Variants in TVP23A observed in about 807,000 individuals in gnomAD.
The protein encoded by TVP23A is Golgi apparatus membrane protein TVP23 homolog A.
A neutral mutation model predicts 31.7 loss-of-function variants in TVP23A; 21 were observed. The ratio of observed to expected loss-of-function variants is 0.66; its 90% CI spans 0.47 to 0.95. The LOEUF is 0.95. Among genes scored for constraint, TVP23A ranks in the 40% least tolerant of loss-of-function variants. The pLI, the probability that TVP23A is intolerant of heterozygous loss-of-function variation, is 0.00. For synonymous variants in TVP23A, 104 were observed against 96.0 expected (o/e 1.08, Z -0.49); for missense variants, 279 against 255.6 (o/e 1.09, Z -0.62).
At chr16:10,804,057 A>G (rs2033831430) in intron 2 of TVP23A, among the ~76,000 whole-genome samples, 1 of 152,242 alleles carries the variant, frequency 6.6e-6, no homozygotes, top group Non-Finnish European at 1.5e-5. Context: ...AGAGAGCAGC[A>G]TATACAAAGG....
intron 2 of TVP23A, among the ~76,000 whole-genome samples, chr16:10,785,010 T>G (rs1167885089): frequency 2.0e-5 from 3 of 148,400 alleles, no homozygotes; most frequent in Non-Finnish European, 3.0e-5. Flanking sequence ...GGCAGGAGAA[T>G]CCCTTGAATC....
intron 2 of TVP23A, among the ~76,000 whole-genome samples, chr16:10,788,988 G>C (rs2032936985): frequency 6.6e-6 from 1 of 152,076 alleles, no homozygotes; most frequent in Non-Finnish European, 1.5e-5. Flanking sequence ...ACAACTTATT[G>C]TCCCATATTT....
rs139976982 is a variant in TVP23A at position 10,774,005 on chromosome 16, C to T, written c.324+34G>A. On this transcript the variant is annotated intron_variant, in intron 4 of 7. Transcript: ENST00000299866. ...AGAAACTTTCCACACCCATTATCCC[C>T]GCTCTGGTTAGTTCAGCTCGTCATG... The T allele has an allele frequency of 2.5e-4, 393 of 1,547,228 alleles. 1 individual carries two copies. In the African/African-American group the frequency reaches 4.6e-3, roughly 18 times the overall value.
intron 2 of TVP23A, among the ~76,000 whole-genome samples, chr16:10,788,912 C>T (rs537575848): frequency 1.8e-4 from 28 of 152,300 alleles, no homozygotes; most frequent in African/African-American, 6.7e-4. Context: ...GCAGGTCTCA[C>T]TCTGAGCATG....
At position 10,802,527 on chromosome 16, in the gene TVP23A, G is replaced by A. The variant is rs554819293; in HGVS notation, c.89+15576C>T. Among the ~76,000 whole-genome samples, 10 of 152,050 alleles carry A rather than the reference G, an allele frequency of 6.6e-5. No individual in the cohort carries two copies. The South Asian group carries it at 1.2e-3, about 19-fold the overall frequency. ...ACTCCTGAGCTCAAGCGATCCTCTC[G>A]CCTCAACCTCCCAAATTGCTGGGGT... is the stretch of plus-strand genomic sequence containing the variant. On this transcript the variant is annotated intron_variant, in intron 2 of 7. Coordinates refer to ENST00000299866, the MANE Select transcript of TVP23A (RefSeq NM_001079512.4).
rs1021637850 is a variant in TVP23A at position 10,802,142 on chromosome 16, G to A, written c.89+15961C>T. 2.7e-5 allele frequency among the ~76,000 whole-genome samples: 4 copies of A among 150,296 alleles called. No individual in the cohort carries two copies. The East Asian group carries it at 7.8e-4, about 29-fold the overall frequency. ...CACACATACACACACACACAACTAG[G>A]AAGACTCAGAAGCCAACTGGAAGAG... On this transcript the variant is annotated intron_variant, in intron 2 of 7. Coordinates refer to ENST00000299866, the MANE Select transcript of TVP23A (RefSeq NM_001079512.4).
chr16:10,792,449 G>A (rs556753289), intron 2 of TVP23A, among the ~76,000 whole-genome samples: 17 of 152,228 alleles, frequency 1.1e-4, no homozygotes, highest in Non-Finnish European at 1.5e-4. Flanking sequence ...TGGGAGTTAC[G>A]AAATGCAGGA....
intron 4 of TVP23A, among the ~76,000 whole-genome samples, chr16:10,773,745 AT>A (rs919011093): frequency 4.6e-5 from 7 of 151,806 alleles, no homozygotes; most frequent in Admixed American, 1.3e-4. Context: ...TAATTTTTGT[AT>A]TTTTAGTAGA....
intron 2 of TVP23A, among the ~76,000 whole-genome samples, chr16:10,784,833 G>T (rs1486805947): frequency 6.6e-6 from 1 of 152,126 alleles, no homozygotes; most frequent in African/African-American, 2.4e-5. Flanking sequence ...AGGTGTGGTG[G>T]CTCACACCTA....
downstream of TVP23A, chr16:10,765,225 C>G (rs1222613929): frequency 6.6e-6 from 1 of 151,016 alleles, no homozygotes; most frequent in Non-Finnish European, 1.5e-5. The surrounding 1 kb of genome is among the most constrained non-coding windows in gnomAD (Gnocchi z 4.0). Context: ...TACCCAAAGT[C>G]TCCTGATACT....
chr16:10,789,733 G>A (rs2032988405), intron 2 of TVP23A, among the ~76,000 whole-genome samples: 1 of 151,026 alleles, frequency 6.6e-6, no homozygotes, highest in African/African-American at 2.4e-5. Flanking sequence ...TACTTGGGAG[G>A]CTGAGGCAAA....
At chr16:10,812,753 G>T (rs966714022) in intron 2 of TVP23A, among the ~76,000 whole-genome samples, 25 of 152,124 alleles carry the variant, frequency 1.6e-4, no homozygotes, top group African/African-American at 6.0e-4. Flanking sequence ...GGGAAGGAGA[G>T]TTGTTAAACG....
intron 2 of TVP23A, among the ~76,000 whole-genome samples, chr16:10,813,097 G>A (rs1368788903): frequency 2.0e-5 from 3 of 152,182 alleles, no homozygotes; most frequent in Non-Finnish European, 4.4e-5. Flanking sequence ...GACAGAAAGA[G>A]CAGAGACCAG....
intron 2 of TVP23A, among the ~76,000 whole-genome samples, chr16:10,811,171 A>G (rs561964716): frequency 1.3e-5 from 2 of 152,348 alleles, no homozygotes; most frequent in Non-Finnish European, 2.9e-5. Context: ...GGAACTACAT[A>G]GTAGTAATGG....
exon 9 of TVP23A, chr16:10,761,289 C>A: frequency 7.4e-7 from 1 of 1,349,726 alleles, no homozygotes; most frequent in Non-Finnish European, 1.1e-6. Context: ...TGCATTGCAG[C>A]CATCCCCTCG....
rs1222905287 is a variant in TVP23A, at chr16:10,818,672, G to T, written c.-179C>A. The T allele has an allele frequency of 1.5e-6, 1 of 687,508 alleles. No homozygotes were observed. Among genetic ancestry groups the T allele is most frequent in the Non-Finnish European group, 2.2e-6 (1 of 451,406 alleles). 42.6% of individuals were successfully genotyped at this position (687,508 alleles called of 1,614,324 possible). On this transcript the variant is annotated 5_prime_UTR_variant, in exon 1 of 8. Coordinates refer to ENST00000299866, the MANE Select transcript of TVP23A (RefSeq NM_001079512.4). The surrounding 1 kb of genome is among the most constrained non-coding windows in gnomAD (Gnocchi z 4.7). Reference sequence around the variant, plus strand: ...CTTCTCGGGTGGGGCGGGGCGCTCGGGGCCTAAGGCGCAGTCGCAGGCTGG... The same window carrying T: ...CTTCTCGGGTGGGGCGGGGCGCTCGTGGCCTAAGGCGCAGTCGCAGGCTGG...
At chr16:10,802,280 GTGTGTATA>G (rs1351402179) in intron 2 of TVP23A, among the ~76,000 whole-genome samples, 1 of 97,436 alleles carries the variant, frequency 1.0e-5, no homozygotes, top group Non-Finnish European at 1.8e-5. Context: ...GTGTGTGTGT[GTGTGTATA>G]TGTGTGTGTG....
chr16:10,812,459 CA>C lies in TVP23A; in HGVS notation c.89+5643del, dbSNP rs1360445092. Among the ~76,000 whole-genome samples the C allele has an allele frequency of 4.1e-4, 62 of 152,216 alleles. 1 individual carries two copies. The highest frequency in any genetic ancestry group is 2.9e-5 in the Non-Finnish European group (2 of 68,040). On this transcript the variant is annotated intron_variant, in intron 2 of 7. Coordinates refer to ENST00000299866, the MANE Select transcript of TVP23A (RefSeq NM_001079512.4). Reference sequence around the variant, plus strand: ...AATCTCAAAAAGAGATTTGCATACCCACATTCATTGCAGTACTGTTCTCAAC... The same window carrying C: ...AATCTCAAAAAGAGATTTGCATACCCCATTCATTGCAGTACTGTTCTCAAC...
intron 2 of TVP23A, 147 bp from the exon 3 acceptor site, chr16:10,775,243 G>A: frequency 6.9e-6 from 10 of 1,452,462 alleles, no homozygotes; most frequent in Non-Finnish European, 9.1e-6. Flanking sequence ...AACTCAGGCT[G>A]TAGCCCTGGG....
Sources: allele counts gnomAD v4.1 joint callset (sites outside exome capture counted in the v4.1 genomes callset), GRCh38; gene constraint gnomAD v4.1.1; non-coding constraint Gnocchi (gnomAD v3.1); transcripts MANE v1.5; gene names NCBI Gene and HGNC (gene_info 2026-07-23, HGNC 2026-07-21).